Variants in DPYS observed in about 807,000 individuals in gnomAD.
DPYS encodes dihydropyrimidine amidohydrolase.
In DPYS, 39 loss-of-function variants were observed where a neutral mutation model predicts 50.3. The observed-to-expected ratio is 0.78, with a 90% CI of 0.60 to 1.01. The LOEUF is 1.01. DPYS is among the 50% of genes least tolerant of loss of function. The pLI, the probability that DPYS is intolerant of heterozygous loss-of-function variation, is 0.00. For synonymous variants in DPYS, 245 were observed against 250.7 expected, an observed-to-expected ratio of 0.98 and a Z score of 0.22; for missense variants, 659 against 680.9, an observed-to-expected ratio of 0.97 and a Z score of 0.36.
At chr8:104,393,629 GTCA>G (rs1811477625) in intron 7 of DPYS, among the ~76,000 whole-genome samples, 1 of 152,114 alleles carries the variant, frequency 6.6e-6, no homozygotes, top group Non-Finnish European at 1.5e-5. Context: ...TCATACATTT[GTCA>G]TCATTCTCAG....
At chr8:104,456,158 A>G (rs979028370) in intron 1 of DPYS, among the ~76,000 whole-genome samples, 7 of 152,208 alleles carry the variant, frequency 4.6e-5, no homozygotes, top group Non-Finnish European at 7.3e-5. Context: ...AGGCCATAGC[A>G]TATAGCCTAG....
At chr8:104,452,392 G>A (rs534094429) in intron 1 of DPYS, among the ~76,000 whole-genome samples, 8 of 152,266 alleles carry the variant, frequency 5.3e-5, no homozygotes, top group African/African-American at 1.7e-4. Flanking sequence ...GGAGGCTCAC[G>A]GACACCAGGG....
chr8:104,459,963 T>C (rs925567081), intron 1 of DPYS, among the ~76,000 whole-genome samples: 1 of 152,226 alleles, frequency 6.6e-6, no homozygotes, highest in African/African-American at 2.4e-5. Context: ...CCTTGTTCTG[T>C]TAAGATGGTG....
chr8:104,418,372 C>T (rs926877936), intron 7 of DPYS, among the ~76,000 whole-genome samples: 16 of 151,998 alleles, frequency 1.1e-4, no homozygotes, highest in Non-Finnish European at 2.1e-4. Context: ...CATTACCAGC[C>T]TGCATTTAAT....
chr8:104,445,251 C>T (rs1471652290), intron 3 of DPYS, among the ~76,000 whole-genome samples: 2 of 152,150 alleles, frequency 1.3e-5, no homozygotes, highest in Admixed American at 6.5e-5. Context: ...GATCCAGCAA[C>T]CCCACTGCTG....
intron 1 of DPYS, among the ~76,000 whole-genome samples, chr8:104,457,811 C>T (rs1813981174): frequency 6.6e-6 from 1 of 152,160 alleles, no homozygotes; most frequent in Non-Finnish European, 1.5e-5. Context: ...TCTTGCCTCC[C>T]TAAGTTTGGA....
At chr8:104,451,474 A>G (rs1279836764) in intron 1 of DPYS, 70 bp from the exon 2 acceptor site, 3 of 1,600,126 alleles carry the variant, frequency 1.9e-6, no homozygotes. Flanking sequence ...CATCTTGAAC[A>G]ATGTGCATTT....
chr8:104,381,116 T>G (rs1210141002), intron 9 of DPYS, 68 bp downstream of exon 9: 2 of 1,330,876 alleles, frequency 1.5e-6, no homozygotes, highest in Non-Finnish European at 2.2e-6. Context: ...TCTTCAACCC[T>G]TATGAGGAGA....
chr8:104,452,583 T>G lies in DPYS; in HGVS notation c.265-1179A>C, dbSNP rs185015360. ...TAGGTCCAGGCGCCTTGGCCATGCCTGTAATCTCAGCACTCTAGGAGGCTG... is the reference window on the plus strand; with the variant it reads ...TAGGTCCAGGCGCCTTGGCCATGCCGGTAATCTCAGCACTCTAGGAGGCTG... On this transcript the variant is annotated intron_variant, in intron 1 of 9. Coordinates refer to ENST00000351513, the MANE Select transcript of DPYS (RefSeq NM_001385.3). 1.8e-3 allele frequency among the ~76,000 whole-genome samples: 275 copies of G among 152,334 alleles called. 11 individuals carry two copies. In the East Asian group the frequency reaches 0.05, roughly 28 times the overall value.
intron 4 of DPYS, among the ~76,000 whole-genome samples, chr8:104,441,386 A>G (rs1314663866): frequency 6.6e-6 from 1 of 152,200 alleles, no homozygotes; most frequent in Non-Finnish European, 1.5e-5. Context: ...AGATGTCCAC[A>G]TCTTAATCCC....
intron 4 of DPYS, among the ~76,000 whole-genome samples, chr8:104,440,321 T>C (rs764711427): frequency 6.6e-6 from 1 of 152,210 alleles, no homozygotes; most frequent in Non-Finnish European, 1.5e-5. Flanking sequence ...GCCGTGATTC[T>C]CAGGCTTTCA....
chr8:104,424,937 C>G lies in DPYS; in HGVS notation c.1093-548G>C, dbSNP rs374651574. On this transcript the variant is annotated intron_variant, in intron 6 of 9. Coordinates refer to ENST00000351513, the MANE Select transcript of DPYS (RefSeq NM_001385.3). Reference sequence around the variant, plus strand: ...CATCTCCCAGGTTCAAGCGATTCTCCTGCCTCAGCCTCCCAAGTAAGTAAC... The same window carrying G: ...CATCTCCCAGGTTCAAGCGATTCTCGTGCCTCAGCCTCCCAAGTAAGTAAC... Among the ~76,000 whole-genome samples, 431 of 151,168 alleles carry G rather than the reference C, an allele frequency of 2.9e-3. 3 individuals are homozygous for G. The highest frequency in any genetic ancestry group is 0.01 in the African/African-American group (416 of 41,138).
chr8:104,394,179 G>A (rs1024295038), intron 7 of DPYS, among the ~76,000 whole-genome samples: 1 of 152,144 alleles, frequency 6.6e-6, no homozygotes, highest in Non-Finnish European at 1.5e-5. Flanking sequence ...AATCGTCAAG[G>A]CTGAGTGAGT....
At chr8:104,434,420 C>T (rs1327731202) in intron 4 of DPYS, among the ~76,000 whole-genome samples, 5 of 152,186 alleles carry the variant, frequency 3.3e-5, no homozygotes, top group Admixed American at 6.5e-5. Flanking sequence ...CTCCCTTCCC[C>T]GCATGGCCTG....
At chr8:104,407,648 T>A (rs972803001) in intron 7 of DPYS, among the ~76,000 whole-genome samples, 2 of 152,172 alleles carry the variant, frequency 1.3e-5, no homozygotes, top group African/African-American at 4.8e-5. Context: ...AAATGAGGCA[T>A]GAGAGGAGAA....
At chr8:104,420,744 AAGGTCACC>A (rs942415008) in intron 7 of DPYS, 2 of 152,006 alleles carry the variant, frequency 1.3e-5, no homozygotes, top group African/African-American at 4.8e-5. Context: ...GAAAGACAAA[AAGGTCACC>A]AGCTTTTTAA....
At chr8:104,412,461 T>C (rs1812215352) in intron 7 of DPYS, among the ~76,000 whole-genome samples, 2 of 152,230 alleles carry the variant, frequency 1.3e-5, no homozygotes, top group African/African-American at 2.4e-5. Flanking sequence ...GCCAATATTA[T>C]ATATTTCAAG....
chr8:104,402,400 A>G (rs1254346994), intron 7 of DPYS, among the ~76,000 whole-genome samples: 1 of 152,222 alleles, frequency 6.6e-6, no homozygotes, highest in Admixed American at 6.5e-5. Flanking sequence ...CTAGCATGAT[A>G]CTAGGATGTA....
intron 4 of DPYS, among the ~76,000 whole-genome samples, chr8:104,430,817 C>T (rs994497741): frequency 1.3e-5 from 2 of 152,164 alleles, no homozygotes; most frequent in African/African-American, 4.8e-5. Flanking sequence ...AAAGTTATCC[C>T]CCAGGGACTT....
Sources: gnomAD v4.1 joint callset for allele counts (sites outside exome capture counted in the v4.1 genomes callset) on GRCh38, gnomAD v4.1.1 for gene constraint, MANE v1.5 for transcripts, NCBI Gene and HGNC (gene_info 2026-07-23, HGNC 2026-07-21) for gene names.